EIF4G3: variants seen among roughly 807,000 people sequenced by gnomAD.
EIF4G3 encodes eukaryotic translation initiation factor 4 gamma 3.
A neutral mutation model predicts 186.4 loss-of-function variants in EIF4G3; 34 were observed. That is an observed-to-expected ratio of 0.18 (90% CI 0.14 to 0.24). The LOEUF is 0.24. Ranked by LOEUF, EIF4G3 falls within the 10% of genes least tolerant of loss-of-function variation. EIF4G3 has a pLI of 1.00. For synonymous variants in EIF4G3, 673 were observed against 679.5 expected, an observed-to-expected ratio of 0.99 and a Z score of 0.15; for missense variants, 1,536 against 1,948.5, an observed-to-expected ratio of 0.79 and a Z score of 3.99.
rs1558552246 is a variant in EIF4G3 at position 20,981,652 on chromosome 1, CATA to C, written c.199-428_199-426del. Among the ~76,000 whole-genome samples the C allele has an allele frequency of 3.8e-4, 48 of 126,886 alleles. 1 individual carries two copies. The East Asian group carries it at 0.01, about 28-fold the overall frequency. 83.2% of individuals were successfully genotyped at this position (126,886 alleles called of 152,430 possible). On this transcript the variant is annotated intron_variant, in intron 8 of 36. Transcript: ENST00000602326. ...TGTATACGCACATACTGTATGTATA[CATA>C]CATGTATACGCACATACTGTATGTA...
chr1:20,943,972 TTTTGTGTGTGTGTG>T (rs1288388831), intron 13 of EIF4G3, among the ~76,000 whole-genome samples: 37 of 44,842 alleles, frequency 8.3e-4, no homozygotes, highest in African/African-American at 2.3e-3. Flanking sequence ...TCTTTATTTT[TTTTGTGTGTGTGTG>T]TGTGTGTGTG....
chr1:21,005,810 G>T (rs2084911263), intron 4 of EIF4G3, among the ~76,000 whole-genome samples: 1 of 151,966 alleles, frequency 6.6e-6, no homozygotes. Context: ...AAAAAACAAA[G>T]AATTATTTTC....
intron 3 of EIF4G3, 43 bp from the exon 4 acceptor site, chr1:21,051,037 A>G: frequency 1.4e-6 from 1 of 714,010 alleles, no homozygotes; most frequent in Non-Finnish European, 2.6e-6. Flanking sequence ...ATATTAGTAA[A>G]TCAATCTTAA....
At chr1:21,041,906 G>GA (rs2093605591) in intron 4 of EIF4G3, among the ~76,000 whole-genome samples, 1 of 151,094 alleles carries the variant, frequency 6.6e-6, no homozygotes, top group South Asian at 2.1e-4. Flanking sequence ...ACATTAGAGG[G>GA]AAAAAAACGT....
chr1:21,168,665 A>G (rs1304766783), intron 2 of EIF4G3, among the ~76,000 whole-genome samples: 3 of 151,970 alleles, frequency 2.0e-5, no homozygotes, highest in Non-Finnish European at 4.4e-5. Context: ...GACTCAAGTG[A>G]TCCTCCTGCC....
intron 2 of EIF4G3, among the ~76,000 whole-genome samples, chr1:21,128,206 C>CAAA (rs11462443): frequency 9.3e-6 from 1 of 107,052 alleles, no homozygotes; most frequent in Admixed American, 1.0e-4. Context: ...GACTCCGTCT[C>CAAA]AAAAAAAAAA....
chr1:20,904,790 C>T, intron 15 of EIF4G3, 93 bp downstream of exon 15: 2 of 834,166 alleles, frequency 2.4e-6, no homozygotes, highest in Non-Finnish European at 3.6e-6. Context: ...TTAAGTTTTG[C>T]TTGGAAAACT....
intron 2 of EIF4G3, among the ~76,000 whole-genome samples, chr1:21,091,324 T>G (rs779092654): frequency 2.0e-5 from 3 of 151,984 alleles, no homozygotes; most frequent in Non-Finnish European, 4.4e-5. Flanking sequence ...CACAGCCGGC[T>G]AATTTTTTGT....
At chr1:21,110,815 C>A (rs906723077) in intron 2 of EIF4G3, among the ~76,000 whole-genome samples, 2 of 152,224 alleles carry the variant, frequency 1.3e-5, no homozygotes, top group Non-Finnish European at 2.9e-5. Flanking sequence ...CATCCACCCA[C>A]CTCAGCGTCC....
intron 16 of EIF4G3, 135 bp from the exon 17 acceptor site, chr1:20,895,636 G>GTTGTAT: frequency 4.2e-6 from 4 of 956,526 alleles, no homozygotes; most frequent in East Asian, 2.5e-5. Flanking sequence ...AGGCTATAAT[G>GTTGTAT]AAGCTGAAAG....
At chr1:21,043,644 C>CA (rs1179899218) in intron 4 of EIF4G3, among the ~76,000 whole-genome samples, 3 of 152,148 alleles carry the variant, frequency 2.0e-5, no homozygotes, top group Admixed American at 6.5e-5. Context: ...GTAATCCTAG[C>CA]ACTCTGTGAG....
At chr1:21,035,446 CCT>C (rs2093108611) in intron 4 of EIF4G3, among the ~76,000 whole-genome samples, 1 of 152,184 alleles carries the variant, frequency 6.6e-6, no homozygotes, top group Non-Finnish European at 1.5e-5. Context: ...TGGGAGAGCC[CCT>C]GTCACCACAG....
intron 14 of EIF4G3, among the ~76,000 whole-genome samples, chr1:20,908,875 C>T (rs1431226136): frequency 2.6e-5 from 4 of 152,124 alleles, no homozygotes; most frequent in African/African-American, 4.8e-5. Flanking sequence ...GGAGGCTGGG[C>T]GCAGTGGCTC....
intron 10 of EIF4G3, among the ~76,000 whole-genome samples, chr1:20,978,210 G>A (rs1415427023): frequency 6.6e-6 from 1 of 152,026 alleles, no homozygotes; most frequent in African/African-American, 2.4e-5. Flanking sequence ...ACATAAAAAT[G>A]GTGACAAAGG....
At chr1:21,155,075 C>T (rs909589568) in intron 2 of EIF4G3, among the ~76,000 whole-genome samples, 2 of 151,922 alleles carry the variant, frequency 1.3e-5, no homozygotes, top group Admixed American at 6.6e-5. Context: ...CCAGCCTGGC[C>T]AACATAGAGA....
chr1:20,992,499 T>C (rs2081339774), intron 7 of EIF4G3, among the ~76,000 whole-genome samples: 1 of 152,180 alleles, frequency 6.6e-6, no homozygotes, highest in Non-Finnish European at 1.5e-5. Flanking sequence ...ATTTCAACGC[T>C]TGCCACCAAG....
chr1:20,828,397 G>A (rs958203406), intron 31 of EIF4G3, among the ~76,000 whole-genome samples: 28 of 152,096 alleles, frequency 1.8e-4, no homozygotes, highest in African/African-American at 6.8e-4. Flanking sequence ...AACAGCAAAG[G>A]GGCCAATTTT....
At chr1:20,876,457 A>C (rs1305345207) in intron 20 of EIF4G3, among the ~76,000 whole-genome samples, 3 of 151,072 alleles carry the variant, frequency 2.0e-5, no homozygotes, top group Admixed American at 6.6e-5. Context: ...AAAAAAAAAA[A>C]AAACAAACTG....
chr1:20,910,608 A>AAAACG (rs1389196935), intron 14 of EIF4G3, among the ~76,000 whole-genome samples: 6 of 152,128 alleles, frequency 3.9e-5, no homozygotes, highest in Non-Finnish European at 8.8e-5. Flanking sequence ...AAAACAAAAC[A>AAAACG]AAACAAAAAC....
Sources: allele counts gnomAD v4.1 joint callset (sites outside exome capture counted in the v4.1 genomes callset), GRCh38; gene constraint gnomAD v4.1.1; transcripts MANE v1.5; gene names NCBI Gene and HGNC (gene_info 2026-07-23, HGNC 2026-07-21).